BEND7: variants seen among roughly 807,000 people sequenced by gnomAD.
BEND7 encodes the protein BEN domain containing 7.
In BEND7, 28 loss-of-function variants were observed where a neutral mutation model predicts 50.9. That is an observed-to-expected ratio of 0.55 (90% confidence interval 0.41 to 0.75). BEND7 has a LOEUF of 0.75. BEND7 is among the 30% of genes least tolerant of loss of function. The pLI, the probability that BEND7 is intolerant of heterozygous loss-of-function variation, is 0.00. For synonymous variants in BEND7, 170 were observed against 183.9 expected (o/e 0.92, Z 0.61); for missense variants, 477 against 491.3 (o/e 0.97, Z 0.28).
chr10:13,499,533 G>A (rs2077285675), intron 3 of BEND7, among the ~76,000 whole-genome samples: 1 of 152,016 alleles, frequency 6.6e-6, no homozygotes, highest in Non-Finnish European at 1.5e-5. Context: ...CCTCTTAAAG[G>A]GCTAAAATCT....
chr10:13,453,839 G>A (rs1212037247), intron 6 of BEND7, among the ~76,000 whole-genome samples: 1 of 152,184 alleles, frequency 6.6e-6, no homozygotes, highest in African/African-American at 2.4e-5. Context: ...ACCCTTTTGA[G>A]AAATAAGAGT....
intron 7 of BEND7, among the ~76,000 whole-genome samples, chr10:13,448,208 C>T (rs1385995999): frequency 6.6e-6 from 1 of 152,126 alleles, no homozygotes; most frequent in Admixed American, 6.5e-5. Flanking sequence ...CACAAAAAAC[C>T]TTCTGTTACA....
chr10:13,488,709 A>G (rs572910909), intron 5 of BEND7, among the ~76,000 whole-genome samples: 7,023 of 152,112 alleles, frequency 0.046, 507 homozygotes, highest in African/African-American at 0.16. Context: ...GGACTGTCTC[A>G]ATCTCCTGAC....
At chr10:13,465,705 CT>C (rs955475049) in intron 6 of BEND7, among the ~76,000 whole-genome samples, 6 of 150,464 alleles carry the variant, frequency 4.0e-5, no homozygotes, top group Admixed American at 2.0e-4. Flanking sequence ...TCAAGCCACA[CT>C]TTTTTTTTTC....
intron 6 of BEND7, among the ~76,000 whole-genome samples, chr10:13,454,087 C>T (rs927078903): frequency 6.6e-6 from 1 of 152,110 alleles, no homozygotes; most frequent in Middle Eastern, 3.2e-3. Flanking sequence ...CTGCGAAAGC[C>T]GGAGCTAGTG....
intron 6 of BEND7, among the ~76,000 whole-genome samples, chr10:13,465,911 G>A (rs2074204684): frequency 6.6e-6 from 1 of 152,040 alleles, no homozygotes; most frequent in Non-Finnish European, 1.5e-5. Flanking sequence ...GTGGTGGCAG[G>A]GGTGGGGGGA....
chr10:13,499,926 G>A lies in BEND7; in HGVS notation c.300C>T (p.Asn100=). ...DLDLVWPPRL[N]SSAEAPQSLH... is the part of the protein sequence containing the mutation. The stretch of plus-strand genomic sequence containing the variant: ...GGCTTTGCGGGGCCTCAGCAGAGGA[G>A]TTCAAACGTGGAGGCCAGACTAAAT... Residue 100 remains asparagine, a synonymous_variant, in exon 3 of 9, where the codon AAC becomes AAT. Transcript: ENST00000466271. 6.2e-7 allele frequency: 1 copy of A among 1,614,212 alleles called. No homozygotes were observed. The highest frequency in any genetic ancestry group is 8.5e-7 in the Non-Finnish European group (1 of 1,180,030).
intron 6 of BEND7, among the ~76,000 whole-genome samples, chr10:13,460,989 G>A (rs887206912): frequency 6.6e-6 from 1 of 152,202 alleles, no homozygotes; most frequent in Non-Finnish European, 1.5e-5. Flanking sequence ...AAGAAGTCAA[G>A]GACAGCCCAG....
chr10:13,447,554 T>C (rs1414240745), intron 7 of BEND7, among the ~76,000 whole-genome samples: 1 of 143,120 alleles, frequency 7.0e-6, no homozygotes, highest in Non-Finnish European at 1.5e-5. Flanking sequence ...TTTTTTTTTT[T>C]TTTTTTTGAG....
intron 8 of BEND7, 132 bp downstream of exon 8, chr10:13,447,134 G>T: frequency 1.2e-6 from 1 of 861,346 alleles, no homozygotes. Context: ...CTCCAATGAC[G>T]GGGCCTGGTC....
chr10:13,472,509 T>C (rs10906381), intron 6 of BEND7, among the ~76,000 whole-genome samples: 111,083 of 151,698 alleles, frequency 0.73, 41,159 homozygotes, highest in East Asian at 0.88. Flanking sequence ...ATCGTCATCA[T>C]TGTTAGACTT....
chr10:13,473,009 C>G (rs1412946268), intron 6 of BEND7, among the ~76,000 whole-genome samples: 2 of 151,052 alleles, frequency 1.3e-5, no homozygotes, highest in Non-Finnish European at 3.0e-5. Context: ...ATCGCTGTTA[C>G]ACTCAGGGCC....
intron 5 of BEND7, among the ~76,000 whole-genome samples, chr10:13,482,549 G>C (rs2075939612): frequency 6.6e-6 from 1 of 152,114 alleles, no homozygotes; most frequent in African/African-American, 2.4e-5. Flanking sequence ...CCCCACCTAT[G>C]GTCAAAGTAA....
In BEND7 at chr10:13,484,775, T is replaced by C. The variant is rs551213630; in HGVS notation, c.838-3651A>G. 6.0e-4 allele frequency among the ~76,000 whole-genome samples: 91 copies of C among 152,310 alleles called. 1 individual carries two copies. The highest frequency in any genetic ancestry group is 2.1e-3 in the African/African-American group (88 of 41,564). ...ACACTTAGAGTCATGATTTTAAGAG[T>C]TGGGAGTCTGAATTCCTACTATAAA... On this transcript the variant is annotated intron_variant, in intron 5 of 8. Coordinates refer to ENST00000466271, the MANE Select transcript of BEND7 (RefSeq NM_001369863.1).
At chr10:13,479,092 C>T (rs11258409) in intron 6 of BEND7, among the ~76,000 whole-genome samples, 11 of 151,350 alleles carry the variant, frequency 7.3e-5, no homozygotes, top group Middle Eastern at 3.4e-3. Context: ...CTGCAGCCTC[C>T]GCCTCCCAGG....
At chr10:13,502,520 G>A (rs959484507) in intron 2 of BEND7, among the ~76,000 whole-genome samples, 1 of 152,162 alleles carries the variant, frequency 6.6e-6, no homozygotes, top group Non-Finnish European at 1.5e-5. Context: ...CAATAACGCA[G>A]AGTCAGCAAA....
At chr10:13,471,258 T>C (rs528370566) in intron 6 of BEND7, among the ~76,000 whole-genome samples, 1 of 152,374 alleles carries the variant, frequency 6.6e-6, no homozygotes, top group Non-Finnish European at 1.5e-5. Context: ...AATAAATATG[T>C]TGTTAGCAGA....
intron 3 of BEND7, among the ~76,000 whole-genome samples, chr10:13,498,892 C>T (rs1009819274): frequency 1.3e-5 from 2 of 152,186 alleles, no homozygotes; most frequent in African/African-American, 4.8e-5. Context: ...GATGGCTTTT[C>T]ATGCCTCTGA....
intron 2 of BEND7, among the ~76,000 whole-genome samples, chr10:13,510,307 C>T (rs917774420): frequency 2.0e-5 from 3 of 152,044 alleles, no homozygotes; most frequent in Admixed American, 6.6e-5. Context: ...ATTCAAAAAG[C>T]CCATTTTTGG....
Sources: allele counts gnomAD v4.1 joint callset (sites outside exome capture counted in the v4.1 genomes callset), GRCh38; gene constraint gnomAD v4.1.1; transcripts MANE v1.5; gene names NCBI Gene and HGNC (gene_info 2026-07-23, HGNC 2026-07-21).